The following CERS3 variants were observed in gnomAD, a reference collection of about 807,000 sequenced individuals.
CERS3 encodes the protein LAG1 homolog, ceramide synthase 3.
Under a neutral mutation model 50.3 loss-of-function variants are expected in CERS3, and 33 were observed. The observed-to-expected ratio is 0.66, with a 90% CI of 0.50 to 0.88. CERS3 has a LOEUF of 0.88. CERS3 is among the 40% of genes least tolerant of loss of function. The probability of loss-of-function intolerance (pLI) is 0.00; values close to 1 mark genes in which losing one functional copy is unlikely to be tolerated. For synonymous variants in CERS3, 176 were observed against 155.2 expected (o/e 1.13, Z -0.99); for missense variants, 470 against 460.3 (o/e 1.02, Z -0.19).
At chr15:100,544,260 CT>C (rs1386910002) in intron 1 of CERS3, 1 of 152,192 alleles carries the variant, frequency 6.6e-6, no homozygotes, top group African/African-American at 2.4e-5. Context: ...TCCTAACGGA[CT>C]TTGCAAGGCC....
Position 100,442,506 on chromosome 15 carries a change from C to G in CERS3, c.999+13387G>C, listed in dbSNP as rs903915416. On this transcript the variant is annotated intron_variant, in intron 11 of 11. Transcript: ENST00000679737. ...CCAGCACACAAGAACTTCCAAATACCTGAACTGCAGCGGCCAGGCATTCCT... is the reference window on the plus strand; with the variant it reads ...CCAGCACACAAGAACTTCCAAATACGTGAACTGCAGCGGCCAGGCATTCCT... Among the ~76,000 whole-genome samples, 42 of 152,206 alleles carry G rather than the reference C, an allele frequency of 2.8e-4. 2 individuals are homozygous for G. Among genetic ancestry groups the G allele is most frequent in the Non-Finnish European group, 1.5e-5 (1 of 68,036 alleles).
chr15:100,438,506 T>C (rs1429961666), intron 11 of CERS3, among the ~76,000 whole-genome samples: 1 of 152,254 alleles, frequency 6.6e-6, no homozygotes, highest in Admixed American at 6.5e-5. Context: ...TATTAATTTT[T>C]TTACCTTAAC....
At chr15:100,510,341 A>G (rs2411829) in intron 2 of CERS3, among the ~76,000 whole-genome samples, 141,058 of 152,046 alleles carry the variant, frequency 0.93, 65,855 homozygotes, top group Middle Eastern at 0.99. Flanking sequence ...TTAACTTACT[A>G]CAAGACAAAA....
At chr15:100,433,077 A>G (rs763854960) in intron 11 of CERS3, among the ~76,000 whole-genome samples, 92 of 152,096 alleles carry the variant, frequency 6.0e-4, no homozygotes, top group Non-Finnish European at 1.1e-3. Flanking sequence ...TCTACTAAAA[A>G]TACAAAGAAT....
At chr15:100,417,729 G>A (rs1407281482) in intron 11 of CERS3, among the ~76,000 whole-genome samples, 1 of 151,940 alleles carries the variant, frequency 6.6e-6, no homozygotes, top group African/African-American at 2.4e-5. Flanking sequence ...CGCAGCTGGA[G>A]ATCTGAGAAC....
chr15:100,465,395 A>C (rs1471417882), intron 10 of CERS3, among the ~76,000 whole-genome samples: 1 of 152,186 alleles, frequency 6.6e-6, no homozygotes, highest in Non-Finnish European at 1.5e-5. Flanking sequence ...CAAGGAACTA[A>C]ATCTTCCCCT....
In CERS3 at chr15:100,476,123, G is replaced by C; in HGVS notation, c.572C>G (p.Ser191Cys). The change falls in exon 8 of 12, where the codon TCT becomes TGT. Residue 191 changes from serine to cysteine, a missense_variant. Coordinates refer to ENST00000679737, the MANE Select transcript of CERS3 (RefSeq NM_001378789.1). ...YYILEMSFYW[S>C]LLFRLGFDVK... is the part of the protein sequence containing the mutation. ...ATCAAAGCCAAGTCTAAATAACAGA[G>C]ACCAATAAAAACTCATTTCTAAAAT... 6.3e-7 allele frequency: 1 copy of C among 1,580,116 alleles called. No homozygotes were observed. The highest frequency in any genetic ancestry group is 1.9e-5 in the Admixed American group (1 of 52,512).
chr15:100,463,768 T>C (rs960497889), intron 10 of CERS3, among the ~76,000 whole-genome samples: 2 of 151,922 alleles, frequency 1.3e-5, no homozygotes. Flanking sequence ...TTCAACAGAG[T>C]CTTTCTTGCC....
Position 100,443,811 on chromosome 15 carries a change from ACTC to A in CERS3, c.999+12079_999+12081del, listed in dbSNP as rs539600778. 4.4e-3 allele frequency among the ~76,000 whole-genome samples: 667 copies of A among 151,710 alleles called. 9 individuals carry two copies. The highest frequency in any genetic ancestry group is 0.015 in the African/African-American group (625 of 41,300). ...CCCCAGCACCTTCTACAAAACAACAACTCCTTTCCTTCCTAGGCACGGTTAGAT... is the reference window on the plus strand; with the variant it reads ...CCCCAGCACCTTCTACAAAACAACAACTTTCCTTCCTAGGCACGGTTAGAT... On this transcript the variant is annotated intron_variant, in intron 11 of 11. Transcript: ENST00000679737.
chr15:100,476,036 G>A lies in CERS3; in HGVS notation c.609+50C>T, dbSNP rs1161072185. On this transcript the variant is annotated intron_variant, in intron 8 of 11. Transcript: ENST00000679737. ...AGATTAGAATTTGGGGCAGGGAGAT[G>A]GCAATTTTTGAAGAAATTGATAAAG... The A allele has an allele frequency of 7.8e-6, 10 of 1,284,120 alleles. No homozygotes were observed. In the Admixed American group the frequency reaches 2.5e-4, roughly 33 times the overall value. 79.5% of individuals were successfully genotyped at this position (1,284,120 alleles called of 1,614,324 possible).
intron 11 of CERS3, among the ~76,000 whole-genome samples, chr15:100,406,192 C>A (rs1379945896): frequency 6.6e-6 from 1 of 152,186 alleles, no homozygotes; most frequent in African/African-American, 2.4e-5. Context: ...AAGCTCTGTG[C>A]ATGTCCAGTG....
chr15:100,467,850 T>TATAG (rs1555528323), intron 10 of CERS3, among the ~76,000 whole-genome samples: 5,008 of 93,084 alleles, frequency 0.054, 289 homozygotes, highest in African/African-American at 0.077. Context: ...TATATATATA[T>TATAG]ATAGATAGAT....
At chr15:100,448,096 T>G (rs1019527795) in intron 11 of CERS3, among the ~76,000 whole-genome samples, 38 of 152,148 alleles carry the variant, frequency 2.5e-4, no homozygotes, top group African/African-American at 9.2e-4. Context: ...TCAATAAAAA[T>G]AAACATAAGG....
At chr15:100,464,283 T>C (rs908318106) in intron 10 of CERS3, among the ~76,000 whole-genome samples, 4 of 152,252 alleles carry the variant, frequency 2.6e-5, no homozygotes, top group Non-Finnish European at 1.5e-5. Flanking sequence ...TCAATGTGAA[T>C]AGTCTTCAAC....
At chr15:100,481,372 C>A (rs1458460455) in intron 5 of CERS3, among the ~76,000 whole-genome samples, 1 of 152,072 alleles carries the variant, frequency 6.6e-6, no homozygotes, top group Non-Finnish European at 1.5e-5. Flanking sequence ...TAAAAATATC[C>A]AAAAGACATT....
intron 7 of CERS3, among the ~76,000 whole-genome samples, chr15:100,478,885 G>C (rs1046975408): frequency 4.6e-5 from 7 of 152,040 alleles, no homozygotes; most frequent in African/African-American, 1.4e-4. Context: ...TAACTTGACC[G>C]ATTTACAGAA....
At chr15:100,404,301 T>G (rs767448198) in intron 11 of CERS3, among the ~76,000 whole-genome samples, 8 of 152,212 alleles carry the variant, frequency 5.3e-5, no homozygotes, top group Non-Finnish European at 1.0e-4. Context: ...ACCATAGAAA[T>G]TAATACAACT....
intron 11 of CERS3, among the ~76,000 whole-genome samples, chr15:100,407,531 T>G (rs2031142782): frequency 6.6e-6 from 1 of 152,260 alleles, no homozygotes; most frequent in Non-Finnish European, 1.5e-5. Flanking sequence ...CCTTTGTGCA[T>G]TCAAGCACAA....
Position 100,540,607 on chromosome 15 carries a change from T to C in CERS3, c.-355+4044A>G, listed in dbSNP as rs190647033. 3.3e-3 allele frequency among the ~76,000 whole-genome samples: 504 copies of C among 152,346 alleles called. 7 individuals carry two copies. The highest frequency in any genetic ancestry group is 0.032 in the Admixed American group (483 of 15,308). On this transcript the variant is annotated intron_variant, in intron 1 of 12. Coordinates refer to the CERS3 transcript ENST00000284382. ...TATGCTAATTATCCAAATTACACCA[T>C]TAGCCCCATTTTATATGCAGCCTTA...
Sources: gnomAD v4.1 joint callset for allele counts (sites outside exome capture counted in the v4.1 genomes callset) on GRCh38, gnomAD v4.1.1 for gene constraint, MANE v1.5 for transcripts, NCBI Gene and HGNC (gene_info 2026-07-23, HGNC 2026-07-21) for gene names.